The following EHBP1 variants were observed in gnomAD, a reference collection of about 807,000 sequenced individuals.
The protein encoded by EHBP1 is EH domain-binding protein 1.
A neutral mutation model predicts 144.0 loss-of-function variants in EHBP1; 55 were observed. The observed-to-expected ratio is 0.38, with a 90% confidence interval of 0.31 to 0.48. The LOEUF (loss-of-function observed/expected upper bound fraction) is 0.48, where lower values mean the gene tolerates loss of function less well. Among genes scored for constraint, EHBP1 ranks in the 20% least tolerant of loss-of-function variants. EHBP1 has a pLI of 0.98. For missense variants in EHBP1, 1,200 were observed against 1,364.2 expected (o/e 0.88, Z 1.90); for synonymous variants, 469 against 472.7 (o/e 0.99, Z 0.10).
intron 5 of EHBP1, among the ~76,000 whole-genome samples, chr2:62,802,061 C>T (rs2044032582): frequency 6.6e-6 from 1 of 152,228 alleles, no homozygotes; most frequent in Non-Finnish European, 1.5e-5. Context: ...TGAACACCTT[C>T]CTAGAAAAGG....
At chr2:63,010,602 A>G (rs979334927) in intron 19 of EHBP1, among the ~76,000 whole-genome samples, 7 of 151,826 alleles carry the variant, frequency 4.6e-5, no homozygotes, top group Admixed American at 4.6e-4. Context: ...GTGTAATAAA[A>G]CAATTGTAAA....
At chr2:62,786,917 G>C (rs1464407972) in intron 5 of EHBP1, among the ~76,000 whole-genome samples, 2 of 152,170 alleles carry the variant, frequency 1.3e-5, no homozygotes. Context: ...GACCCCTGTA[G>C]CCTGTTGAGT....
chr2:62,692,257 C>T (rs1425748400), intron 1 of EHBP1, among the ~76,000 whole-genome samples: 1 of 152,164 alleles, frequency 6.6e-6, no homozygotes, highest in African/African-American at 2.4e-5. Flanking sequence ...GATAATGCCA[C>T]ATTTTGTTTA....
chr2:62,747,101 T>C (rs2039232316), intron 2 of EHBP1, among the ~76,000 whole-genome samples: 1 of 152,106 alleles, frequency 6.6e-6, no homozygotes, highest in Non-Finnish European at 1.5e-5. Flanking sequence ...AGAAGATATG[T>C]GTGTGCTTTT....
chr2:62,792,214 A>G (rs1313397700), intron 5 of EHBP1, among the ~76,000 whole-genome samples: 1 of 152,072 alleles, frequency 6.6e-6, no homozygotes, highest in Non-Finnish European at 1.5e-5. Context: ...GCCAATTTAA[A>G]TAGTAGGGAA....
chr2:62,674,370 A>T lies in EHBP1; in HGVS notation c.-296+287A>T, dbSNP rs771411479. ...AATATTTGAAGAGCTCCCACTAAAA[A>T]CATGCATGAGCAGATTGTTGAAATA... On this transcript the variant is annotated intron_variant, in intron 1 of 22. Coordinates refer to the EHBP1 transcript ENST00000405015. 4.7e-4 allele frequency among the ~76,000 whole-genome samples: 71 copies of T among 152,358 alleles called. 1 individual carries two copies. Among genetic ancestry groups the T allele is most frequent in the Admixed American group, 2.6e-3 (40 of 15,302 alleles).
intron 5 of EHBP1, among the ~76,000 whole-genome samples, chr2:62,806,435 A>G (rs1325806432): frequency 3.3e-5 from 5 of 152,012 alleles, no homozygotes; most frequent in Non-Finnish European, 2.9e-5. Flanking sequence ...CAGTGGCGCA[A>G]TCACAGTTCA....
Position 62,939,070 on chromosome 2 carries a change from AT to A in EHBP1, c.1186-3645del, listed in dbSNP as rs539813831. On this transcript the variant is annotated intron_variant, in intron 10 of 22. Coordinates refer to ENST00000431489, the MANE Select transcript of EHBP1 (RefSeq NM_001142616.3). ...TACCAGGCACTGTTCTGGGCATTTG[AT>A]TTAGGTTAATAAATGAAACAAACTA... Among the ~76,000 whole-genome samples the A allele has an allele frequency of 4.6e-5, 7 of 152,294 alleles. No homozygotes were observed. The South Asian group carries it at 1.5e-3, about 32-fold the overall frequency.
chr2:62,959,004 T>G (rs1030043086), intron 14 of EHBP1, among the ~76,000 whole-genome samples: 1 of 152,202 alleles, frequency 6.6e-6, no homozygotes, highest in Non-Finnish European at 1.5e-5. Context: ...AAATGAAACT[T>G]TATTCCTGTA....
chr2:62,845,604 A>C (rs1222856774), intron 7 of EHBP1, among the ~76,000 whole-genome samples: 1 of 151,882 alleles, frequency 6.6e-6, no homozygotes, highest in Non-Finnish European at 1.5e-5. Flanking sequence ...AGAGAGTAGG[A>C]CCATTAATTT....
chr2:63,028,716 A>G (rs1173365347), intron 19 of EHBP1, among the ~76,000 whole-genome samples: 1 of 152,112 alleles, frequency 6.6e-6, no homozygotes, highest in African/African-American at 2.4e-5. Flanking sequence ...GTATTTCTAT[A>G]TTTTAAAAAT....
intron 13 of EHBP1, 133 bp downstream of exon 13, chr2:62,949,295 TG>T: frequency 4.0e-6 from 3 of 757,512 alleles, no homozygotes; most frequent in Non-Finnish European, 6.0e-6. Flanking sequence ...TCCTGAGGCA[TG>T]TAGTAATGTG....
intron 21 of EHBP1, chr2:63,043,775 A>G (rs1288916886): frequency 1.3e-5 from 2 of 152,020 alleles, no homozygotes; most frequent in Admixed American, 1.3e-4. Flanking sequence ...GTTTATCTGA[A>G]TAAGCACCAG....
At chr2:62,939,982 A>T in intron 10 of EHBP1, 1 of 289,472 alleles carries the variant, frequency 3.5e-6, no homozygotes, top group East Asian at 9.3e-5. Context: ...GTGGTGATTC[A>T]CTGAATTAGA....
intron 19 of EHBP1, among the ~76,000 whole-genome samples, chr2:63,016,829 CAGA>C (rs1452899340): frequency 2.0e-5 from 3 of 152,184 alleles, no homozygotes; most frequent in African/African-American, 7.2e-5. Context: ...CACAGCCAGG[CAGA>C]AGAACAGTGC....
chr2:63,006,932 A>G (rs1456044662), intron 19 of EHBP1, among the ~76,000 whole-genome samples: 2 of 151,910 alleles, frequency 1.3e-5, no homozygotes, highest in African/African-American at 4.8e-5. Flanking sequence ...TTGACTAAAG[A>G]TTTAAGCTGA....
At chr2:62,795,925 G>A (rs1351829040) in intron 5 of EHBP1, among the ~76,000 whole-genome samples, 2 of 151,848 alleles carry the variant, frequency 1.3e-5, no homozygotes, top group South Asian at 2.1e-4. Flanking sequence ...CTCTAAGATT[G>A]TAACATTGTT....
At chr2:62,943,924 AAGTG>A in intron 12 of EHBP1, 74 bp downstream of exon 12, 1 of 1,155,364 alleles carries the variant, frequency 8.7e-7, no homozygotes, top group Non-Finnish European at 1.3e-6. Flanking sequence ...AATTTGGAGA[AAGTG>A]AGGCAGTTTT....
intron 2 of EHBP1, among the ~76,000 whole-genome samples, chr2:62,727,290 CTT>C (rs35017540): frequency 2.8e-5 from 4 of 145,258 alleles, no homozygotes; most frequent in African/African-American, 2.5e-5. Context: ...CTTCTTCTTC[CTT>C]TTTTTTTTTT....
Sources: allele counts gnomAD v4.1 joint callset (sites outside exome capture counted in the v4.1 genomes callset), GRCh38; gene constraint gnomAD v4.1.1; transcripts MANE v1.5; gene names NCBI Gene and HGNC (gene_info 2026-07-23, HGNC 2026-07-21).